Variants in RALGPS1 observed in about 807,000 individuals in gnomAD.
RALGPS1 encodes Ral GEF with PH domain and SH3 binding motif 1, also known as ras-specific guanine nucleotide-releasing factor RalGPS1.
In RALGPS1, 19 loss-of-function variants were observed where a neutral mutation model predicts 78.8. The observed-to-expected ratio is 0.24, with a 90% confidence interval of 0.17 to 0.35. The LOEUF is 0.35. Among genes scored for constraint, RALGPS1 ranks in the 10% least tolerant of loss-of-function variants. The pLI is 1.00. For missense variants in RALGPS1, 454 were observed against 688.3 expected (o/e 0.66, Z 3.81); for synonymous variants, 228 against 256.3 (o/e 0.89, Z 1.06).
intron 14 of RALGPS1, among the ~76,000 whole-genome samples, chr9:127,201,953 A>G (rs1354007749): frequency 1.3e-5 from 2 of 152,220 alleles, no homozygotes; most frequent in African/African-American, 2.4e-5. Context: ...CCAAGGGTGC[A>G]GGGGAGGCCT....
chr9:126,962,457 A>G (rs1176440373), intron 2 of RALGPS1, 111 bp downstream of exon 2: 11 of 1,104,834 alleles, frequency 1.0e-5, no homozygotes, highest in African/African-American at 7.7e-5. Flanking sequence ...GAATACCACC[A>G]TTCTTAGCAC....
chr9:126,995,342 C>G (rs1440319703), intron 4 of RALGPS1, among the ~76,000 whole-genome samples: 1 of 152,032 alleles, frequency 6.6e-6, no homozygotes, highest in Non-Finnish European at 1.5e-5. Context: ...GAAGATCTAC[C>G]AAGCAAATGG....
At chr9:126,921,465 G>T (rs1363847389) in intron 1 of RALGPS1, among the ~76,000 whole-genome samples, 1 of 152,234 alleles carries the variant, frequency 6.6e-6, no homozygotes, top group Non-Finnish European at 1.5e-5. Flanking sequence ...GGCATGAGTT[G>T]TACTTGTCTC....
chr9:127,045,192 AT>A (rs2047647017), intron 5 of RALGPS1, among the ~76,000 whole-genome samples: 1 of 152,188 alleles, frequency 6.6e-6, no homozygotes, highest in Admixed American at 6.5e-5. Flanking sequence ...ATATATGCAA[AT>A]TTTTAAAATT....
At chr9:127,036,371 C>G (rs1352077444) in intron 5 of RALGPS1, among the ~76,000 whole-genome samples, 1 of 152,200 alleles carries the variant, frequency 6.6e-6, no homozygotes, top group Admixed American at 6.5e-5. Context: ...CAAGACTCAT[C>G]AGACTCCAAA....
chr9:127,118,572 G>A (rs989858269), intron 8 of RALGPS1, among the ~76,000 whole-genome samples: 2 of 152,342 alleles, frequency 1.3e-5, no homozygotes, highest in East Asian at 3.9e-4. Flanking sequence ...GAGAGACCGT[G>A]GGAGAGGTGC....
At chr9:127,077,291 G>T (rs546064438) in intron 8 of RALGPS1, among the ~76,000 whole-genome samples, 1 of 152,308 alleles carries the variant, frequency 6.6e-6, no homozygotes, top group Non-Finnish European at 1.5e-5. Context: ...TTTCCAGGGA[G>T]GGGGAAGGCT....
chr9:126,949,587 G>T (rs1413932271), intron 1 of RALGPS1, among the ~76,000 whole-genome samples: 1 of 152,134 alleles, frequency 6.6e-6, no homozygotes. Flanking sequence ...TTTTTCATTT[G>T]TCTTTTGGCT....
At chr9:126,936,377 A>G (rs190106769) in intron 1 of RALGPS1, among the ~76,000 whole-genome samples, 30 of 152,336 alleles carry the variant, frequency 2.0e-4, no homozygotes, top group Admixed American at 1.8e-3. Flanking sequence ...ATTAAAGTAT[A>G]TGAGAGACTT....
chr9:126,914,985 CGGGACTGCGGCGGCG>C lies in RALGPS1; in HGVS notation c.-66+15_-66+29del, dbSNP rs1226560320. ...TGCGGCCCGCGTCAAGGTGACCGGC[CGGGACTGCGGCGGCG>C]GGGAGAGCGGCGGTGAGAGGCGCGG... is the stretch of plus-strand genomic sequence containing the variant. On this transcript the variant is annotated intron_variant, in intron 1 of 18. Coordinates refer to ENST00000259351, the MANE Select transcript of RALGPS1 (RefSeq NM_014636.3). 6.7e-6 allele frequency: 1 copy of C among 150,182 alleles called. No homozygotes were observed. Among genetic ancestry groups the C allele is most frequent in the African/African-American group, 2.4e-5 (1 of 40,986 alleles). 9.3% of individuals were successfully genotyped at this position (150,182 alleles called of 1,614,324 possible).
chr9:127,004,280 G>A (rs1179701194), intron 4 of RALGPS1, among the ~76,000 whole-genome samples: 3 of 152,076 alleles, frequency 2.0e-5, no homozygotes, highest in Admixed American at 6.6e-5. Context: ...CAAGCAGCTG[G>A]GATTACAGGC....
intron 8 of RALGPS1, among the ~76,000 whole-genome samples, chr9:127,071,089 A>G (rs1306417221): frequency 6.9e-6 from 1 of 144,082 alleles, no homozygotes; most frequent in Non-Finnish European, 1.5e-5. Flanking sequence ...AAAATATACT[A>G]AAACTAAAAA....
chr9:126,948,793 G>A (rs975585977), intron 1 of RALGPS1, among the ~76,000 whole-genome samples: 31 of 151,500 alleles, frequency 2.0e-4, no homozygotes, highest in African/African-American at 6.3e-4. Flanking sequence ...CCTTCTTTCC[G>A]TGCTTGCTCA....
chr9:127,093,333 C>T (rs993935580), intron 8 of RALGPS1, among the ~76,000 whole-genome samples: 2 of 152,184 alleles, frequency 1.3e-5, no homozygotes, highest in African/African-American at 4.8e-5. Context: ...GAACTGGGAG[C>T]CTCTTGGGAC....
intron 1 of RALGPS1, among the ~76,000 whole-genome samples, chr9:126,917,962 CTT>C (rs1467298681): frequency 1.3e-5 from 2 of 152,150 alleles, no homozygotes; most frequent in Non-Finnish European, 2.9e-5. Flanking sequence ...CTAATGACCT[CTT>C]GTTTAGTTCT....
intron 4 of RALGPS1, among the ~76,000 whole-genome samples, chr9:126,978,596 G>A (rs1351176842): frequency 2.7e-5 from 4 of 145,806 alleles, no homozygotes; most frequent in Non-Finnish European, 3.0e-5. Flanking sequence ...ACAAAAGAGC[G>A]AGACTCTGTC....
At chr9:127,147,327 G>A (rs375819684) in intron 8 of RALGPS1, among the ~76,000 whole-genome samples, 1 of 152,184 alleles carries the variant, frequency 6.6e-6, no homozygotes, top group African/African-American at 2.4e-5. Flanking sequence ...TATGTAGGCT[G>A]TCTGCTTACT....
intron 10 of RALGPS1, among the ~76,000 whole-genome samples, chr9:127,169,129 G>A (rs778736781): frequency 2.6e-5 from 4 of 152,196 alleles, no homozygotes; most frequent in Admixed American, 6.5e-5. Context: ...TGGCACAGGC[G>A]TGGTGCTCTG....
intron 5 of RALGPS1, among the ~76,000 whole-genome samples, chr9:127,045,758 CACAT>C (rs142912407): frequency 4.8e-3 from 161 of 33,840 alleles, no homozygotes; most frequent in East Asian, 7.9e-3. Flanking sequence ...CACACACACA[CACAT>C]ACACACACAC....
Sources: gnomAD v4.1 joint callset for allele counts (sites outside exome capture counted in the v4.1 genomes callset) on GRCh38, gnomAD v4.1.1 for gene constraint, MANE v1.5 for transcripts, NCBI Gene and HGNC (gene_info 2026-07-23, HGNC 2026-07-21) for gene names.